The following RNGTT variants were observed in gnomAD, a reference collection of about 807,000 sequenced individuals.
The protein encoded by RNGTT is RNA guanylyltransferase and 5'-phosphatase.
RNGTT carries 33 observed loss-of-function variants against 79.3 expected under a neutral mutation model. The observed-to-expected ratio is 0.42, with a 90% CI of 0.32 to 0.56. The LOEUF (loss-of-function observed/expected upper bound fraction) is 0.56, where lower values mean the gene tolerates loss of function less well. Among genes scored for constraint, RNGTT ranks in the 20% least tolerant of loss-of-function variants. The pLI is 0.17. For synonymous variants in RNGTT, 222 were observed against 235.9 expected (o/e 0.94, Z 0.54); for missense variants, 497 against 739.1 (o/e 0.67, Z 3.80).
intron 14 of RNGTT, among the ~76,000 whole-genome samples, chr6:88,637,211 A>C (rs538602471): frequency 5.9e-5 from 9 of 152,232 alleles, no homozygotes; most frequent in Admixed American, 5.2e-4. Flanking sequence ...CATAAACAGA[A>C]GAATTTTCTT....
At chr6:88,864,347 A>C (rs1029515577) in intron 8 of RNGTT, among the ~76,000 whole-genome samples, 2 of 152,152 alleles carry the variant, frequency 1.3e-5, no homozygotes, top group Non-Finnish European at 2.9e-5. Flanking sequence ...AACAAACACT[A>C]ATAAATAAAA....
rs1331565169 is a variant in RNGTT, at chr6:88,663,455, A to AC, written c.1506+14897dup. 3.9e-5 allele frequency among the ~76,000 whole-genome samples: 6 copies of AC among 152,160 alleles called. No homozygotes were observed. In the East Asian group the frequency reaches 1.2e-3, roughly 29 times the overall value. ...GATACTTGGTTGCAGCTAGTTTTAG[A>AC]CCCCTCACAGTGGCTAAGAGGACAG... On this transcript the variant is annotated intron_variant, in intron 14 of 15. Transcript: ENST00000369485.
At chr6:88,870,595 TCA>T (rs1437570379) in intron 8 of RNGTT, among the ~76,000 whole-genome samples, 1 of 151,896 alleles carries the variant, frequency 6.6e-6, no homozygotes, top group Non-Finnish European at 1.5e-5. Flanking sequence ...TAAGAATGTC[TCA>T]GTTTCCTGAT....
intron 14 of RNGTT, among the ~76,000 whole-genome samples, chr6:88,668,885 T>C (rs1774520616): frequency 6.6e-6 from 1 of 152,150 alleles, no homozygotes; most frequent in Admixed American, 6.5e-5. Context: ...AAGCTATATA[T>C]GGCAGAAAAT....
chr6:88,633,141 C>G (rs562941624), intron 14 of RNGTT, among the ~76,000 whole-genome samples: 1 of 152,018 alleles, frequency 6.6e-6, no homozygotes, highest in Non-Finnish European at 1.5e-5. Context: ...GGGTATAATC[C>G]CTTCCTTTCA....
intron 8 of RNGTT, 131 bp downstream of exon 8, chr6:88,890,363 AT>A: frequency 1.6e-6 from 1 of 621,980 alleles, no homozygotes; most frequent in Non-Finnish European, 2.7e-6. Flanking sequence ...AAAATATATA[AT>A]TTTTGAAACA....
intron 14 of RNGTT, among the ~76,000 whole-genome samples, chr6:88,616,528 A>T (rs1772228280): frequency 6.6e-6 from 1 of 152,066 alleles, no homozygotes; most frequent in South Asian, 2.1e-4. Context: ...TTTTTTTAAA[A>T]AAAATTGACG....
intron 12 of RNGTT, among the ~76,000 whole-genome samples, chr6:88,782,065 T>A (rs1779082698): frequency 6.6e-6 from 1 of 152,000 alleles, no homozygotes; most frequent in African/African-American, 2.4e-5. Context: ...CTAGCCTTAT[T>A]CATCCTCTCT....
chr6:88,883,403 A>G (rs1172604454), intron 8 of RNGTT, among the ~76,000 whole-genome samples: 1 of 152,142 alleles, frequency 6.6e-6, no homozygotes, highest in Non-Finnish European at 1.5e-5. Flanking sequence ...AAGAAATAAC[A>G]AAACACACTG....
At chr6:88,841,592 G>A (rs1781290753) in intron 11 of RNGTT, among the ~76,000 whole-genome samples, 1 of 152,110 alleles carries the variant, frequency 6.6e-6, no homozygotes, top group African/African-American at 2.4e-5. Flanking sequence ...CCCTAAACCA[G>A]GCATATAAAA....
intron 13 of RNGTT, among the ~76,000 whole-genome samples, chr6:88,741,518 C>T (rs951956641): frequency 1.3e-5 from 2 of 152,104 alleles, no homozygotes; most frequent in African/African-American, 4.8e-5. Flanking sequence ...AATTATACCC[C>T]AAACCTCAGC....
intron 4 of RNGTT, among the ~76,000 whole-genome samples, chr6:88,922,069 A>G (rs1311904090): frequency 6.6e-6 from 1 of 151,536 alleles, no homozygotes; most frequent in African/African-American, 2.4e-5. Flanking sequence ...CTTTATTATT[A>G]TTATATTAAA....
intron 14 of RNGTT, among the ~76,000 whole-genome samples, chr6:88,616,751 G>C: frequency 6.6e-6 from 1 of 152,092 alleles, no homozygotes; most frequent in Non-Finnish European, 1.5e-5. Context: ...GTTTATTGTT[G>C]TTGAGATGTA....
At chr6:88,888,743 C>T (rs553775733) in intron 8 of RNGTT, among the ~76,000 whole-genome samples, 6 of 152,252 alleles carry the variant, frequency 3.9e-5, no homozygotes, top group South Asian at 4.1e-4. Context: ...ATAATAAAAA[C>T]CACAGGCCAG....
At chr6:88,741,965 T>G (rs1250563738) in intron 13 of RNGTT, among the ~76,000 whole-genome samples, 2 of 152,180 alleles carry the variant, frequency 1.3e-5, no homozygotes, top group South Asian at 4.1e-4. Context: ...ATCTAGATCA[T>G]AAAAATAACC....
At chr6:88,807,282 T>C (rs2127867757) in intron 11 of RNGTT, among the ~76,000 whole-genome samples, 1 of 152,280 alleles carries the variant, frequency 6.6e-6, no homozygotes, top group East Asian at 1.9e-4. Flanking sequence ...AATAACATTG[T>C]AAATGATCTA....
chr6:88,661,007 A>C lies in RNGTT; in HGVS notation c.1506+17346T>G, dbSNP rs529419593. Among the ~76,000 whole-genome samples, 9 of 152,326 alleles carry C rather than the reference A, an allele frequency of 5.9e-5. No homozygotes were observed. The South Asian group carries it at 1.7e-3, about 28-fold the overall frequency. Reference sequence around the variant, plus strand: ...TGGAATAAAATTGAAAATTAACTCCAAAAGGAACCCTCCAAACCATACAAA... The same window carrying C: ...TGGAATAAAATTGAAAATTAACTCCCAAAGGAACCCTCCAAACCATACAAA... On this transcript the variant is annotated intron_variant, in intron 14 of 15. Transcript: ENST00000369485.
intron 4 of RNGTT, among the ~76,000 whole-genome samples, chr6:88,915,296 A>G (rs1783962604): frequency 6.6e-6 from 1 of 152,206 alleles, no homozygotes; most frequent in Non-Finnish European, 1.5e-5. Flanking sequence ...AAATCATTCT[A>G]CCAAAAAGAT....
Position 88,767,678 on chromosome 6 carries a change from CAAAAA to C in RNGTT, c.1439+2091_1439+2095del, listed in dbSNP as rs58712575. Among the ~76,000 whole-genome samples the C allele has an allele frequency of 8.2e-3, 685 of 83,516 alleles. 5 individuals carry two copies. Among genetic ancestry groups the C allele is most frequent in the African/African-American group, 0.025 (635 of 24,994 alleles). 54.8% of individuals were successfully genotyped at this position (83,516 alleles called of 152,430 possible). On this transcript the variant is annotated intron_variant, in intron 13 of 15. Transcript: ENST00000369485. ...TTCGAAGAACTATATTCACTTGTGT[CAAAAA>C]AAAAAAAAAAAAAAAAAAAAACAGC... is the stretch of plus-strand genomic sequence containing the variant.
Sources: allele counts gnomAD v4.1 joint callset (sites outside exome capture counted in the v4.1 genomes callset), GRCh38; gene constraint gnomAD v4.1.1; transcripts MANE v1.5; gene names NCBI Gene and HGNC (gene_info 2026-07-23, HGNC 2026-07-21).